Variants in RMDN2 observed in about 807,000 individuals in gnomAD.
The protein encoded by RMDN2 is regulator of microtubule dynamics 2.
A neutral mutation model predicts 52.8 loss-of-function variants in RMDN2; 61 were observed. That is an observed-to-expected ratio of 1.16 (90% CI 0.94 to 1.43). The LOEUF is 1.43. Among genes scored for constraint, RMDN2 ranks in the 40% most tolerant of loss-of-function variants. The probability of loss-of-function intolerance (pLI) is 0.00; values close to 1 mark genes in which losing one functional copy is unlikely to be tolerated. For missense variants in RMDN2, 592 were observed against 475.3 expected, an observed-to-expected ratio of 1.25 and a Z score of -2.28; for synonymous variants, 180 against 153.1, an observed-to-expected ratio of 1.18 and a Z score of -1.30.
chr2:38,066,338 G>A (rs2125312626), intron 10 of RMDN2, among the ~76,000 whole-genome samples: 1 of 152,306 alleles, frequency 6.6e-6, no homozygotes, highest in South Asian at 2.1e-4. Flanking sequence ...ACAAGCATGA[G>A]CTGTTACCCA....
chr2:38,053,226 G>A (rs539208829), intron 10 of RMDN2, among the ~76,000 whole-genome samples: 19 of 152,232 alleles, frequency 1.2e-4, no homozygotes, highest in African/African-American at 4.6e-4. Context: ...GGAAAAAATA[G>A]TGCTGTCTAA....
chr2:37,945,280 C>G (rs772894726), intron 2 of RMDN2, among the ~76,000 whole-genome samples: 18 of 152,204 alleles, frequency 1.2e-4, no homozygotes, highest in Non-Finnish European at 2.4e-4. Flanking sequence ...CAGATTCATT[C>G]ATTTCTAAAA....
chr2:37,959,578 G>C (rs1447454872), intron 2 of RMDN2, among the ~76,000 whole-genome samples: 1 of 150,366 alleles, frequency 6.7e-6, no homozygotes, highest in Non-Finnish European at 1.5e-5. Flanking sequence ...GATCTATTTT[G>C]TTGATCTTTT....
intron 2 of RMDN2, among the ~76,000 whole-genome samples, chr2:37,948,814 C>G (rs1470977643): frequency 1.3e-5 from 2 of 152,112 alleles, no homozygotes; most frequent in African/African-American, 4.8e-5. Flanking sequence ...CATAGATTTG[C>G]TTGAATAAGG....
chr2:37,946,078 G>C (rs1182100502), intron 2 of RMDN2, among the ~76,000 whole-genome samples: 1 of 152,138 alleles, frequency 6.6e-6, no homozygotes, highest in Non-Finnish European at 1.5e-5. Context: ...TTAATTCTAA[G>C]ATGAACATTT....
intron 2 of RMDN2, among the ~76,000 whole-genome samples, chr2:37,972,161 T>A (rs1340338260): frequency 6.6e-6 from 1 of 152,200 alleles, no homozygotes. Context: ...TTTGCTGATA[T>A]GTAGAAATTA....
downstream of RMDN2, among the ~76,000 whole-genome samples, chr2:38,019,828 G>A (rs1337193381): frequency 6.6e-6 from 1 of 152,134 alleles, no homozygotes; most frequent in Non-Finnish European, 1.5e-5. Context: ...GGGAGGCTGA[G>A]GTGGGAGGAT....
chr2:38,007,057 A>G (rs1033851119), intron 10 of RMDN2, among the ~76,000 whole-genome samples: 27 of 152,156 alleles, frequency 1.8e-4, no homozygotes, highest in Admixed American at 1.7e-3. Flanking sequence ...GATGAAGCCC[A>G]CTTGATGATG....
chr2:37,975,150 C>T, intron 3 of RMDN2, 62 bp from the exon 4 acceptor site: 1 of 984,778 alleles, frequency 1.0e-6, no homozygotes, highest in Non-Finnish European at 1.6e-6. Flanking sequence ...CAGTAGAAAA[C>T]AAGAATAGAA....
At chr2:37,964,793 C>T (rs552625722) in intron 2 of RMDN2, among the ~76,000 whole-genome samples, 1 of 152,020 alleles carries the variant, frequency 6.6e-6, no homozygotes, top group Non-Finnish European at 1.5e-5. Flanking sequence ...TCATTGAATT[C>T]GTTTACTATT....
chr2:37,958,272 C>T (rs747914850), intron 2 of RMDN2, among the ~76,000 whole-genome samples: 20 of 152,120 alleles, frequency 1.3e-4, no homozygotes, highest in Middle Eastern at 3.2e-3. Flanking sequence ...TCTTTGTATC[C>T]ATGAGTGTGG....
intron 2 of RMDN2, among the ~76,000 whole-genome samples, chr2:37,961,244 T>C (rs1670190971): frequency 6.6e-6 from 1 of 152,166 alleles, no homozygotes; most frequent in South Asian, 2.1e-4. Flanking sequence ...TGTCTTGCTA[T>C]GTTGGGGAAG....
At chr2:37,976,133 CTGTT>C (rs1672431307) in intron 4 of RMDN2, among the ~76,000 whole-genome samples, 1 of 152,138 alleles carries the variant, frequency 6.6e-6, no homozygotes, top group African/African-American at 2.4e-5. Flanking sequence ...GTTAAAAACT[CTGTT>C]TGATAATTGT....
At chr2:37,947,493 G>A (rs1668317186) in intron 2 of RMDN2, among the ~76,000 whole-genome samples, 1 of 152,128 alleles carries the variant, frequency 6.6e-6, no homozygotes, top group Admixed American at 6.5e-5. Flanking sequence ...CATGCAGACA[G>A]CTGTGTCATC....
intron 7 of RMDN2, among the ~76,000 whole-genome samples, chr2:37,996,811 A>G (rs1675616605): frequency 6.6e-6 from 1 of 152,152 alleles, no homozygotes; most frequent in Non-Finnish European, 1.5e-5. Context: ...CAAAAAAATC[A>G]GTGGTAATAT....
At chr2:37,984,902 A>G (rs886768281) in intron 5 of RMDN2, among the ~76,000 whole-genome samples, 1 of 152,180 alleles carries the variant, frequency 6.6e-6, no homozygotes, top group African/African-American at 2.4e-5. Context: ...TCAGATACAC[A>G]CACAAACATA....
chr2:37,936,109 C>G (rs1385333818), intron 2 of RMDN2, among the ~76,000 whole-genome samples: 1 of 152,120 alleles, frequency 6.6e-6, no homozygotes, highest in Non-Finnish European at 1.5e-5. Context: ...TCCATGTGTT[C>G]TCATTGTTCA....
At chr2:38,023,798 A>C (rs1335189734) in intron 10 of RMDN2, among the ~76,000 whole-genome samples, 1 of 152,218 alleles carries the variant, frequency 6.6e-6, no homozygotes, top group East Asian at 1.9e-4. Flanking sequence ...TACAATTGAC[A>C]TACAAAAAAA....
intron 2 of RMDN2, chr2:37,952,099 C>T (rs769721773): frequency 6.2e-7 from 1 of 1,612,906 alleles, no homozygotes; most frequent in African/African-American, 1.3e-5. Context: ...TGCTTTATCC[C>T]ACCTCAAAGC....
Sources: allele counts gnomAD v4.1 joint callset (sites outside exome capture counted in the v4.1 genomes callset), GRCh38; gene constraint gnomAD v4.1.1; transcripts MANE v1.5; gene names NCBI Gene and HGNC (gene_info 2026-07-23, HGNC 2026-07-21).